MPDZ: variants seen among roughly 807,000 people sequenced by gnomAD.
The protein encoded by MPDZ is multiple PDZ domain crumbs cell polarity complex component.
Under a neutral mutation model 239.1 loss-of-function variants are expected in MPDZ, and 234 were observed. The observed-to-expected ratio is 0.98, with a 90% CI of 0.88 to 1.09. The LOEUF (loss-of-function observed/expected upper bound fraction) is 1.09, where lower values mean the gene tolerates loss of function less well. MPDZ is among the 50% of genes least tolerant of loss of function. MPDZ has a pLI of 0.00. For missense variants in MPDZ, 3,175 were observed against 2,510.0 expected (o/e 1.26, Z -5.66); for synonymous variants, 1,048 against 881.3 (o/e 1.19, Z -3.35).
intron 2 of MPDZ, among the ~76,000 whole-genome samples, chr9:13,249,585 C>G (rs1358755057): frequency 1.3e-5 from 2 of 152,144 alleles, no homozygotes; most frequent in Non-Finnish European, 2.9e-5. Context: ...ATCAAGGTAT[C>G]TGCCATAATG....
At chr9:13,159,351 G>A (rs903120811) in intron 23 of MPDZ, among the ~76,000 whole-genome samples, 9 of 152,224 alleles carry the variant, frequency 5.9e-5, no homozygotes, top group African/African-American at 9.6e-5. Context: ...AAAGAATAAC[G>A]CCTCGAATGA....
chr9:13,122,332 C>A (rs887741381), intron 36 of MPDZ, among the ~76,000 whole-genome samples, 162 bp from the exon 37 acceptor site: 4 of 152,054 alleles, frequency 2.6e-5, no homozygotes, highest in Admixed American at 2.6e-4. Flanking sequence ...AGTGTAACAA[C>A]AATTTTTGCT....
rs377086103 is a variant in MPDZ at position 13,196,252 on chromosome 9, A to C, written c.1547-22T>G. 9 of 1,505,220 alleles carry C rather than the reference A, an allele frequency of 6.0e-6. No individual in the cohort carries two copies. The African/African-American group carries it at 1.2e-4, about 21-fold the overall frequency. The allele number at this position is 1,505,220 out of a possible 1,614,324, so 93.2% of individuals were successfully genotyped here. ...TACCCTGAAACAGTCAAGGCAATTA[A>C]GTTAGCAGCAAACTACAGAAATCTC... On this transcript the variant is annotated intron_variant, in intron 12 of 46. Coordinates refer to ENST00000319217, the MANE Select transcript of MPDZ (RefSeq NM_001378778.1).
intron 45 of MPDZ, 66 bp downstream of exon 45, chr9:13,109,886 G>A (rs1030130905): frequency 1.5e-5 from 19 of 1,243,088 alleles, no homozygotes; most frequent in East Asian, 2.4e-5. Flanking sequence ...GACAGAGAAC[G>A]CAACTGTCAG....
At chr9:13,246,206 G>A (rs1030421528) in intron 3 of MPDZ, among the ~76,000 whole-genome samples, 4 of 152,078 alleles carry the variant, frequency 2.6e-5, no homozygotes, top group South Asian at 2.1e-4. Context: ...CCAGCACTTC[G>A]GGAGGCCAAG....
intron 26 of MPDZ, among the ~76,000 whole-genome samples, chr9:13,143,955 A>C (rs1007299702): frequency 2.0e-5 from 3 of 152,054 alleles, no homozygotes; most frequent in Non-Finnish European, 2.9e-5. Context: ...TCTACATCTA[A>C]AAGCTAATTT....
intron 22 of MPDZ, among the ~76,000 whole-genome samples, chr9:13,165,832 T>C (rs948520867): frequency 1.3e-5 from 2 of 152,160 alleles, no homozygotes; most frequent in Non-Finnish European, 2.9e-5. Context: ...TGCATTCTGG[T>C]GAGGCTTCGC....
At chr9:13,198,204 T>C (rs1305750412) in intron 12 of MPDZ, among the ~76,000 whole-genome samples, 1 of 152,292 alleles carries the variant, frequency 6.6e-6, no homozygotes, top group African/African-American at 2.4e-5. Context: ...CTAATTTACA[T>C]TACCATCAAC....
intron 1 of MPDZ, among the ~76,000 whole-genome samples, chr9:13,272,719 A>AG (rs1490000047): frequency 4.6e-5 from 7 of 151,640 alleles, no homozygotes; most frequent in Non-Finnish European, 1.0e-4. Context: ...AAAAAAAAAA[A>AG]AAGAAGAACA....
intron 10 of MPDZ, among the ~76,000 whole-genome samples, chr9:13,208,621 T>C (rs1236970885): frequency 2.0e-5 from 3 of 150,538 alleles, no homozygotes; most frequent in Non-Finnish European, 4.4e-5. Flanking sequence ...TAATTATGTA[T>C]ATGTACACAT....
In MPDZ at chr9:13,246,029, T is replaced by C. The variant is rs145919828; in HGVS notation, c.183+1606A>G. On this transcript the variant is annotated intron_variant, in intron 3 of 46. Transcript: ENST00000319217. ...ATGTTTTCACATAACATATTAAGAA[T>C]AGAAGATATCTGTTCAACTTCTTTA... Among the ~76,000 whole-genome samples, 526 of 138,680 alleles carry C rather than the reference T, an allele frequency of 3.8e-3. 6 individuals carry two copies. The highest frequency in any genetic ancestry group is 0.013 in the African/African-American group (489 of 36,916). The allele number at this position is 138,680 out of a possible 152,430, so 91.0% of individuals were successfully genotyped here.
At chr9:13,162,884 A>G in intron 22 of MPDZ, 89 bp from the exon 23 acceptor site, 1 of 826,242 alleles carries the variant, frequency 1.2e-6, no homozygotes, top group Non-Finnish European at 2.0e-6. Flanking sequence ...GAAACAAATC[A>G]TATTGTCCCT....
chr9:13,145,147 G>T (rs1337833947), intron 26 of MPDZ, among the ~76,000 whole-genome samples: 1 of 152,086 alleles, frequency 6.6e-6, no homozygotes, highest in South Asian at 2.1e-4. Context: ...AGGCACAGCA[G>T]ACGAAATGGT....
In MPDZ at chr9:13,127,022, A is replaced by C. The variant is rs761466157; in HGVS notation, c.4465-250T>G. ...CTCTTCCCATATGTCTGACATCTTT[A>C]GTAACTTTAGCAAAATATCTAGACA... On this transcript the variant is annotated intron_variant, in intron 32 of 46. Transcript: ENST00000319217. Among the ~76,000 whole-genome samples the C allele has an allele frequency of 1.5e-4, 23 of 152,240 alleles. 1 individual carries two copies. Among genetic ancestry groups the C allele is most frequent in the Non-Finnish European group, 2.8e-4 (19 of 68,040 alleles).
chr9:13,257,534 T>G (rs954409556), intron 1 of MPDZ, among the ~76,000 whole-genome samples: 1 of 152,196 alleles, frequency 6.6e-6, no homozygotes, highest in Non-Finnish European at 1.5e-5. Flanking sequence ...GAACAAGGTA[T>G]TAAGTTGCTA....
intron 10 of MPDZ, 44 bp downstream of exon 10, chr9:13,216,730 C>A (rs367612763): frequency 3.5e-6 from 5 of 1,419,868 alleles, no homozygotes; most frequent in South Asian, 1.2e-5. Context: ...ATACAATTCT[C>A]AACCATGAAA....
chr9:13,165,432 G>A lies in MPDZ; in HGVS notation c.3255-2637C>T, dbSNP rs531921959. On this transcript the variant is annotated intron_variant, in intron 22 of 46. Transcript: ENST00000319217. ...ATCTAGAATGTGAAGCATACGCCGC[G>A]GCATCTTTTTACAATGGTGTTAACA... 2.2e-5 allele frequency: 34 copies of A among 1,547,712 alleles called. No individual in the cohort carries two copies. The African/African-American group carries it at 2.5e-4, about 11-fold the overall frequency.
intron 4 of MPDZ, 116 bp downstream of exon 4, chr9:13,224,258 T>A: frequency 1.0e-6 from 1 of 997,146 alleles, no homozygotes; most frequent in Admixed American, 2.8e-5. Context: ...TGACTTTTTG[T>A]TCCAATGTTT....
At chr9:13,274,915 T>C (rs1230740826) in intron 1 of MPDZ, among the ~76,000 whole-genome samples, 1 of 152,092 alleles carries the variant, frequency 6.6e-6, no homozygotes, top group Non-Finnish European at 1.5e-5. Flanking sequence ...AACGAATGCT[T>C]TTATAAAACA....
Sources: allele counts gnomAD v4.1 joint callset (sites outside exome capture counted in the v4.1 genomes callset), GRCh38; gene constraint gnomAD v4.1.1; transcripts MANE v1.5; gene names NCBI Gene and HGNC (gene_info 2026-07-23, HGNC 2026-07-21).